Variants in TENM4 observed in about 807,000 individuals in gnomAD.
The protein encoded by TENM4 is teneurin-4.
Under a neutral mutation model 243.3 loss-of-function variants are expected in TENM4, and 82 were observed. That is an observed-to-expected ratio of 0.34 (90% CI 0.28 to 0.40). The LOEUF (loss-of-function observed/expected upper bound fraction) is 0.40, where lower values mean the gene tolerates loss of function less well. Ranked by LOEUF, TENM4 falls within the 10% of genes least tolerant of loss-of-function variation. The pLI, the probability that TENM4 is intolerant of heterozygous loss-of-function variation, is 1.00. For synonymous variants in TENM4, 1,412 were observed against 1,456.3 expected (o/e 0.97, Z 0.69); for missense variants, 3,138 against 3,673.3 (o/e 0.85, Z 3.77).
intron 4 of TENM4, among the ~76,000 whole-genome samples, chr11:79,105,603 C>T (rs554670076): frequency 3.0e-4 from 46 of 152,308 alleles, no homozygotes; most frequent in African/African-American, 9.1e-4. Context: ...GCAGATGAGG[C>T]TCAGGTCAGG....
Position 78,726,085 on chromosome 11 carries a change from G to C in TENM4, c.3544C>G (p.Gln1182Glu), listed in dbSNP as rs1855504650. The C allele has an allele frequency of 1.2e-6, 2 of 1,613,960 alleles. No homozygotes were observed. Among genetic ancestry groups the C allele is most frequent in the African/African-American group, 2.7e-5 (2 of 75,056 alleles). Residue 1182 changes from glutamine to glutamate, a missense_variant, in exon 23 of 34, where the codon CAA becomes GAA. Around this residue, in one of 2 missense-constraint regions of TENM4, gnomAD observed 2,467 missense variants for 3,059.1 expected, o/e 0.81. Transcript: ENST00000278550. ...ATTCTATTAATCCACTTACCACTTT[G>C]AATGTTGAGGGCATGATGTTTGTCT... ...SLDKHHALNI[Q>E]SGILHKGNGE... is the part of the protein sequence containing the mutation.
intron 1 of TENM4, among the ~76,000 whole-genome samples, chr11:79,298,573 TG>T: frequency 6.7e-6 from 1 of 149,502 alleles, no homozygotes; most frequent in Admixed American, 6.6e-5. Flanking sequence ...CTGGACCGGC[TG>T]GTCACAGATA....
intron 15 of TENM4, among the ~76,000 whole-genome samples, chr11:78,804,304 T>C (rs1477483997): frequency 2.6e-5 from 4 of 152,188 alleles, no homozygotes; most frequent in African/African-American, 9.7e-5. Context: ...TTTCCCAGAA[T>C]GCACACTCTA....
chr11:79,284,630 T>C (rs1856216459), intron 2 of TENM4, among the ~76,000 whole-genome samples: 1 of 152,208 alleles, frequency 6.6e-6, no homozygotes, highest in Non-Finnish European at 1.5e-5. Context: ...CTCATTACTT[T>C]AGATTAAGCT....
At chr11:79,290,448 G>T (rs1856335301) in intron 2 of TENM4, among the ~76,000 whole-genome samples, 1 of 152,134 alleles carries the variant, frequency 6.6e-6, no homozygotes, top group African/African-American at 2.4e-5. Flanking sequence ...CTAGAATCTG[G>T]GTTTTTTGGC....
intron 1 of TENM4, among the ~76,000 whole-genome samples, chr11:79,371,522 A>G (rs61882517): frequency 0.28 from 42,440 of 152,156 alleles, 6,073 homozygotes; most frequent in Middle Eastern, 0.34. Flanking sequence ...TCTCCAAGGA[A>G]TCCTCACAGC....
intron 29 of TENM4, among the ~76,000 whole-genome samples, chr11:78,684,659 C>T (rs1292305125): frequency 6.6e-6 from 1 of 152,200 alleles, no homozygotes; most frequent in African/African-American, 2.4e-5. Flanking sequence ...GCCTGTTTGC[C>T]TGGGTCCAAA....
At chr11:78,691,809 G>A (rs1565334296) in intron 28 of TENM4, among the ~76,000 whole-genome samples, 1 of 152,136 alleles carries the variant, frequency 6.6e-6, no homozygotes, top group Non-Finnish European at 1.5e-5. Context: ...ATCATATAGA[G>A]CAACCAATTT....
At chr11:79,063,925 C>T (rs1254858162) in intron 6 of TENM4, among the ~76,000 whole-genome samples, 1 of 152,030 alleles carries the variant, frequency 6.6e-6, no homozygotes, top group Non-Finnish European at 1.5e-5. Context: ...AAGTTTTAAT[C>T]ATTAAAGTTT....
intron 4 of TENM4, among the ~76,000 whole-genome samples, chr11:79,110,113 C>T (rs544232630): frequency 2.1e-4 from 32 of 152,304 alleles, no homozygotes; most frequent in African/African-American, 7.2e-4. Flanking sequence ...TTCGTAGAAA[C>T]AATACCCTCC....
At position 79,057,213 on chromosome 11, in the gene TENM4, C is replaced by T. The variant is rs944161471; in HGVS notation, c.493+7525G>A. ...CATCCTGTTCAAGTATTAGTCAGAC[C>T]TCATCACTTCTCCACTCAGAACCCT... On this transcript the variant is annotated intron_variant, in intron 6 of 33. Transcript: ENST00000278550. 4.6e-5 allele frequency among the ~76,000 whole-genome samples: 7 copies of T among 152,106 alleles called. No individual in the cohort carries two copies. In the East Asian group the frequency reaches 1.2e-3, roughly 25 times the overall value.
At chr11:79,428,604 A>G (rs141423578) in intron 1 of TENM4, among the ~76,000 whole-genome samples, 89 of 152,338 alleles carry the variant, frequency 5.8e-4, no homozygotes, top group Middle Eastern at 3.4e-3. Context: ...AAGGACTATC[A>G]TGACATCTCC....
At position 78,676,219 on chromosome 11, in the gene TENM4, A is replaced by T; in HGVS notation, c.5429T>A (p.Leu1810Gln). The change falls in exon 30 of 34, where the codon CTG becomes CAG. Residue 1810 changes from leucine to glutamine, a missense_variant. Coordinates refer to ENST00000278550, the MANE Select transcript of TENM4 (RefSeq NM_001098816.3). ...CTCTTTGCGCTGGCGCCACTCCACC[A>T]GGTTGAGGCCGTTGTCGATGGGCAG... Reference protein sequence around the residue: ...VTLPIDNGLNLVEWRQRKEQA... With the variant: ...VTLPIDNGLNQVEWRQRKEQA... 1 of 1,596,374 alleles carries T rather than the reference A, an allele frequency of 6.3e-7. No individual in the cohort carries two copies. Among genetic ancestry groups the T allele is most frequent in the South Asian group, 1.1e-5 (1 of 88,772 alleles).
intron 12 of TENM4, among the ~76,000 whole-genome samples, chr11:78,838,183 T>C (rs1858161734): frequency 6.6e-6 from 1 of 152,214 alleles, no homozygotes; most frequent in Admixed American, 6.5e-5. Context: ...GTTAAACATA[T>C]TTCATGTATG....
In TENM4 at chr11:78,934,997, C is replaced by CTTTTTTTT. The variant is rs530062569; in HGVS notation, c.494-31482_494-31475dup. 6.9e-4 allele frequency among the ~76,000 whole-genome samples: 56 copies of CTTTTTTTT among 81,098 alleles called. 6 individuals are homozygous for CTTTTTTTT. Among genetic ancestry groups the CTTTTTTTT allele is most frequent in the African/African-American group, 1.6e-3 (31 of 19,022 alleles). 53.2% of individuals were successfully genotyped at this position (81,098 alleles called of 152,430 possible). On this transcript the variant is annotated intron_variant, in intron 6 of 33. Transcript: ENST00000278550. ...ATTTTGTGAGTGAGGAAGTATGCAA[C>CTTTTTTTT]TTTTTTTTTTTTTTTTTTTTTTTTT...
At chr11:78,972,013 A>G (rs964363240) in intron 6 of TENM4, among the ~76,000 whole-genome samples, 2 of 152,272 alleles carry the variant, frequency 1.3e-5, no homozygotes, top group Non-Finnish European at 2.9e-5. Flanking sequence ...CTGTATAAAA[A>G]TGTTAAGACC....
At chr11:78,690,739 C>T in intron 28 of TENM4, among the ~76,000 whole-genome samples, 1 of 152,142 alleles carries the variant, frequency 6.6e-6, no homozygotes, top group Non-Finnish European at 1.5e-5. Flanking sequence ...ATCTGTGATT[C>T]ATGATTAAGC....
At position 78,845,540 on chromosome 11, in the gene TENM4, G is replaced by A. The variant is rs182611751; in HGVS notation, c.1681+8564C>T. Among the ~76,000 whole-genome samples the A allele has an allele frequency of 2.0e-5, 3 of 152,180 alleles. No homozygotes were observed. The East Asian group carries it at 5.8e-4, about 29-fold the overall frequency. Reference sequence around the variant, plus strand: ...CCTGCCTCCAACAACCTCAACTATCGACCACCAGTGCCAATTCCAGCAGAG... The same window carrying A: ...CCTGCCTCCAACAACCTCAACTATCAACCACCAGTGCCAATTCCAGCAGAG... On this transcript the variant is annotated intron_variant, in intron 12 of 33. Transcript: ENST00000278550.
At chr11:78,941,592 G>A (rs925400162) in intron 6 of TENM4, among the ~76,000 whole-genome samples, 15 of 152,168 alleles carry the variant, frequency 9.9e-5, no homozygotes, top group African/African-American at 3.1e-4. Context: ...GCACGGCGCC[G>A]GGGCGGGGTG....
Sources: gnomAD v4.1 joint callset for allele counts (sites outside exome capture counted in the v4.1 genomes callset) on GRCh38, gnomAD v4.1.1 for gene constraint, gnomAD v4.1.1 regional missense constraint, MANE v1.5 for transcripts, NCBI Gene and HGNC (gene_info 2026-07-23, HGNC 2026-07-21) for gene names.